Variants in ARHGEF12 observed in about 807,000 individuals in gnomAD.
The protein encoded by ARHGEF12 is Rho guanine nucleotide exchange factor 12, also known as KMT2A/ARHGEF12 fusion protein.
In ARHGEF12, 66 loss-of-function variants were observed where a neutral mutation model predicts 211.2. The observed-to-expected ratio is 0.31, with a 90% CI of 0.26 to 0.38. The LOEUF is 0.38. Ranked by LOEUF, ARHGEF12 falls within the 10% of genes least tolerant of loss-of-function variation. ARHGEF12 has a pLI of 1.00. For synonymous variants in ARHGEF12, 592 were observed against 638.4 expected, an observed-to-expected ratio of 0.93 and a Z score of 1.09; for missense variants, 1,429 against 1,869.5, an observed-to-expected ratio of 0.76 and a Z score of 4.34.
intron 1 of ARHGEF12, among the ~76,000 whole-genome samples, chr11:120,405,273 A>G (rs185736264): frequency 7.1e-4 from 108 of 152,284 alleles, no homozygotes; most frequent in African/African-American, 2.4e-3. Context: ...ATAAAATGCC[A>G]TAGGTTGAAA....
At chr11:120,338,294 A>G (rs1329522736) in intron 1 of ARHGEF12, among the ~76,000 whole-genome samples, 1 of 152,228 alleles carries the variant, frequency 6.6e-6, no homozygotes, top group Non-Finnish European at 1.5e-5. Context: ...AAAGTGCAAC[A>G]ATAGTGCTTC....
chr11:120,386,802 A>G (rs553060426), intron 1 of ARHGEF12, among the ~76,000 whole-genome samples: 1 of 152,246 alleles, frequency 6.6e-6, no homozygotes, highest in South Asian at 2.1e-4. Flanking sequence ...CCAAACAAGC[A>G]AACAAAAATT....
intron 1 of ARHGEF12, among the ~76,000 whole-genome samples, chr11:120,392,764 G>T (rs1218197806): frequency 1.3e-5 from 2 of 152,156 alleles, no homozygotes; most frequent in Non-Finnish European, 2.9e-5. Flanking sequence ...CTTCACTCAG[G>T]TTCAGTGGGA....
At chr11:120,481,714 C>A in intron 39 of ARHGEF12, 138 bp downstream of exon 39, 1 of 797,248 alleles carries the variant, frequency 1.3e-6, no homozygotes, top group Non-Finnish European at 1.9e-6. Context: ...ATGAATAGGC[C>A]TGGGTAAAAA....
chr11:120,349,848 T>C (rs185796631), intron 1 of ARHGEF12, among the ~76,000 whole-genome samples: 62 of 152,362 alleles, frequency 4.1e-4, no homozygotes, highest in Admixed American at 2.2e-3. Context: ...GTGGCTAAGA[T>C]AGTTTTTTTC....
chr11:120,421,431 TTTTTTTTTTTG>T (rs1317857006), intron 5 of ARHGEF12, among the ~76,000 whole-genome samples: 65 of 93,186 alleles, frequency 7.0e-4, no homozygotes, highest in African/African-American at 2.0e-3. Flanking sequence ...ACAGCCTTGT[TTTTTTTTTTTG>T]TTTTTTTTTT....
chr11:120,433,633 A>G (rs1945610348), intron 11 of ARHGEF12, among the ~76,000 whole-genome samples: 1 of 152,202 alleles, frequency 6.6e-6, no homozygotes, highest in Admixed American at 6.5e-5. Context: ...ACAATAAAAC[A>G]TGTGACTTAG....
Position 120,467,143 on chromosome 11 carries a change from G to T in ARHGEF12, c.2740-51G>T, listed in dbSNP as rs777595812. 22 of 1,197,820 alleles carry T rather than the reference G, an allele frequency of 1.8e-5. No individual in the cohort carries two copies. In the Admixed American group the frequency reaches 3.8e-4, roughly 21 times the overall value. 74.2% of individuals were successfully genotyped at this position (1,197,820 alleles called of 1,614,324 possible). A position where few individuals can be genotyped will look rare whatever the true frequency, so the allele number is the denominator to read the frequency against. ...CCCTCACGGTGAATACATGGTACAT[G>T]TATAAGTTCAAATAAGAATTACAGA... On this transcript the variant is annotated intron_variant, in intron 28 of 40. Coordinates refer to ENST00000397843, the MANE Select transcript of ARHGEF12 (RefSeq NM_015313.3).
chr11:120,443,707 TAC>T (rs772165652), intron 15 of ARHGEF12, among the ~76,000 whole-genome samples: 23 of 152,320 alleles, frequency 1.5e-4, no homozygotes, highest in Non-Finnish European at 3.2e-4. Flanking sequence ...TTAGTTTGTT[TAC>T]ACAGTCAGTC....
Position 120,372,244 on chromosome 11 carries a change from A to G in ARHGEF12, c.33-33874A>G, listed in dbSNP as rs185282265. Among the ~76,000 whole-genome samples the G allele has an allele frequency of 1.1e-4, 16 of 152,292 alleles. No individual in the cohort carries two copies. The East Asian group carries it at 2.9e-3, about 28-fold the overall frequency. On this transcript the variant is annotated intron_variant, in intron 1 of 40. Transcript: ENST00000397843. ...TACAAATGAATCCAAAGCAATCTCT[A>G]TTTTACTTAACACTATTAAGCACTG...
intron 4 of ARHGEF12, among the ~76,000 whole-genome samples, chr11:120,416,751 A>G (rs899854299): frequency 6.6e-6 from 1 of 152,062 alleles, no homozygotes; most frequent in African/African-American, 2.4e-5. Context: ...CCTGGGTTCA[A>G]GCGATTCTCC....
intron 1 of ARHGEF12, among the ~76,000 whole-genome samples, chr11:120,341,047 A>C (rs1942519845): frequency 6.6e-6 from 1 of 152,182 alleles, no homozygotes; most frequent in African/African-American, 2.4e-5. Flanking sequence ...TAACATGTAT[A>C]TACCATCGAG....
intron 3 of ARHGEF12, chr11:120,408,037 G>A (rs1944765885): frequency 4.6e-6 from 2 of 434,602 alleles, no homozygotes; most frequent in Non-Finnish European, 4.1e-6. Flanking sequence ...AAGTATCATT[G>A]TAGAGTATAT....
At chr11:120,441,102 T>C (rs556310137) in intron 13 of ARHGEF12, among the ~76,000 whole-genome samples, 1 of 152,306 alleles carries the variant, frequency 6.6e-6, no homozygotes, top group Admixed American at 6.5e-5. Flanking sequence ...CTGAGGATTT[T>C]TTACATCTTT....
chr11:120,460,936 A>G (rs567265371), intron 27 of ARHGEF12, among the ~76,000 whole-genome samples, 179 bp downstream of exon 27: 1 of 152,350 alleles, frequency 6.6e-6, no homozygotes, highest in South Asian at 2.1e-4. Flanking sequence ...CTCATCTGTA[A>G]GAAGCAGACC....
intron 14 of ARHGEF12, 42 bp from the exon 15 acceptor site, chr11:120,442,062 T>C (rs1171777994): frequency 7.1e-7 from 1 of 1,417,950 alleles, no homozygotes; most frequent in Non-Finnish European, 9.7e-7. Flanking sequence ...ACATTTTTCA[T>C]GGTTCCTCAT....
At chr11:120,366,795 A>T (rs1943433638) in intron 1 of ARHGEF12, among the ~76,000 whole-genome samples, 1 of 152,156 alleles carries the variant, frequency 6.6e-6, no homozygotes, top group Non-Finnish European at 1.5e-5. Flanking sequence ...TGGGCGGATC[A>T]TTTGAGGTCT....
At chr11:120,402,038 G>C (rs1944559844) in intron 1 of ARHGEF12, among the ~76,000 whole-genome samples, 1 of 152,084 alleles carries the variant, frequency 6.6e-6, no homozygotes, top group South Asian at 2.1e-4. Flanking sequence ...AAATTTGTGA[G>C]GTATAGGTAG....
Position 120,420,427 on chromosome 11 carries a change from A to C in ARHGEF12, c.200-326A>C, listed in dbSNP as rs186299537. Among the ~76,000 whole-genome samples, 3 of 152,302 alleles carry C rather than the reference A, an allele frequency of 2.0e-5. No homozygotes were observed. In the East Asian group the frequency reaches 5.8e-4, roughly 29 times the overall value. ...GGGGCAGGGGGAGAATTTTTTTACTACAGAGAAATAGCATGGATGTGAATG... is the reference window on the plus strand; with the variant it reads ...GGGGCAGGGGGAGAATTTTTTTACTCCAGAGAAATAGCATGGATGTGAATG... On this transcript the variant is annotated intron_variant, in intron 4 of 40. Coordinates refer to ENST00000397843, the MANE Select transcript of ARHGEF12 (RefSeq NM_015313.3).
Sources: gnomAD v4.1 joint callset for allele counts (sites outside exome capture counted in the v4.1 genomes callset) on GRCh38, gnomAD v4.1.1 for gene constraint, MANE v1.5 for transcripts, NCBI Gene and HGNC (gene_info 2026-07-23, HGNC 2026-07-21) for gene names.